XRCC2: variants seen among roughly 807,000 people sequenced by gnomAD.
The protein encoded by XRCC2 is X-ray repair cross complementing 2, also known as DNA repair protein XRCC2.
A neutral mutation model predicts 27.3 loss-of-function variants in XRCC2; 24 were observed. The ratio of observed to expected loss-of-function variants is 0.88; its 90% CI spans 0.64 to 1.24. The LOEUF is 1.24. XRCC2 is among the 50% of genes most tolerant of loss of function. XRCC2 has a pLI of 0.00. For synonymous variants in XRCC2, 106 were observed against 115.4 expected, an observed-to-expected ratio of 0.92 and a Z score of 0.52; for missense variants, 321 against 325.8, an observed-to-expected ratio of 0.99 and a Z score of 0.11.
chr7:152,660,326 C>T (rs888617261), intron 2 of XRCC2, among the ~76,000 whole-genome samples: 1 of 152,162 alleles, frequency 6.6e-6, no homozygotes, highest in Non-Finnish European at 1.5e-5. Flanking sequence ...AACCTAAGCG[C>T]ACGCCCTTAG....
intron 2 of XRCC2, among the ~76,000 whole-genome samples, chr7:152,650,541 T>C (rs1174937683): frequency 1.3e-5 from 2 of 152,164 alleles, no homozygotes; most frequent in Non-Finnish European, 2.9e-5. Context: ...AACTACCTGA[T>C]TGGAAACACT....
intron 2 of XRCC2, among the ~76,000 whole-genome samples, chr7:152,658,356 C>T (rs567577467): frequency 9.9e-5 from 15 of 152,028 alleles, no homozygotes; most frequent in Middle Eastern, 3.4e-3. Flanking sequence ...TTCACCATGT[C>T]GGCCAGGCTG....
intron 1 of XRCC2, among the ~76,000 whole-genome samples, chr7:152,661,279 T>A (rs1200510122): frequency 2.0e-5 from 3 of 152,248 alleles, no homozygotes; most frequent in African/African-American, 7.2e-5. Context: ...AAAATGAGTC[T>A]GTACCCTCAA....
intron 2 of XRCC2, among the ~76,000 whole-genome samples, chr7:152,658,913 A>G (rs1168737579): frequency 1.3e-5 from 2 of 152,238 alleles, no homozygotes; most frequent in Non-Finnish European, 2.9e-5. Flanking sequence ...GCTATTGTGA[A>G]TAGTGCTGCT....
chr7:152,648,503 T>C lies in XRCC2; in HGVS notation c.*139A>G. 1 of 927,916 alleles carries C rather than the reference T, an allele frequency of 1.1e-6. No homozygotes were observed. The highest frequency in any genetic ancestry group is 1.6e-6 in the Non-Finnish European group (1 of 641,974). 57.5% of individuals were successfully genotyped at this position (927,916 alleles called of 1,614,324 possible). On this transcript the variant is annotated 3_prime_UTR_variant, in exon 3 of 3. Coordinates refer to ENST00000359321, the MANE Select transcript of XRCC2 (RefSeq NM_005431.2). ...TAGGAGGCACACATAGGAGGATCCC[T>C]TGAGGCCAGGAGTTCAAGGCTGCAG... is the stretch of plus-strand genomic sequence containing the variant.
intron 2 of XRCC2, among the ~76,000 whole-genome samples, chr7:152,656,574 A>G (rs1195184884): frequency 6.7e-6 from 1 of 150,350 alleles, no homozygotes; most frequent in Non-Finnish European, 1.5e-5. Context: ...TTTTACAGCT[A>G]TAGGATCTTC....
chr7:152,653,244 C>T (rs186189199), intron 2 of XRCC2, among the ~76,000 whole-genome samples: 36 of 152,182 alleles, frequency 2.4e-4, no homozygotes, highest in Middle Eastern at 3.4e-3. Context: ...TAGGATGGGA[C>T]TTGTTCCTCC....
intron 2 of XRCC2, among the ~76,000 whole-genome samples, chr7:152,657,956 C>CTTTGTTTTTT (rs59029443): frequency 0.84 from 114,588 of 136,376 alleles, 46,770 homozygotes; most frequent in Non-Finnish European, 0.91. Context: ...AACTTTTTGT[C>CTTTGTTTTTT]TTTGTTTTTT....
chr7:152,649,235 C>T lies in XRCC2; in HGVS notation c.250G>A (p.Asp84Asn), dbSNP rs1590129717. The T allele has an allele frequency of 6.2e-7, 1 of 1,613,892 alleles. No individual in the cohort carries two copies. The highest frequency in any genetic ancestry group is 2.2e-5 in the East Asian group (1 of 44,886). ...AGCCGGAGCATATCAAAGTGGTAAT[C>T]TGTATCAATAAATAAGACTTCTACT... Reference protein sequence around the residue: ...LEVEVLFIDTDYHFDMLRLVT... With the variant: ...LEVEVLFIDTNYHFDMLRLVT... Residue 84 changes from aspartate to asparagine, a missense_variant, in exon 3 of 3, where the codon GAT (aspartate) becomes AAT (asparagine). Coordinates refer to ENST00000359321, the MANE Select transcript of XRCC2 (RefSeq NM_005431.2).
intron 1 of XRCC2, among the ~76,000 whole-genome samples, chr7:152,663,531 T>C (rs573067562): frequency 4.6e-5 from 7 of 152,220 alleles, no homozygotes; most frequent in South Asian, 2.1e-4. Context: ...ACCCTTGGAA[T>C]GTCTTGCCTG....
intron 1 of XRCC2, among the ~76,000 whole-genome samples, chr7:152,670,727 G>A (rs2098037844): frequency 6.6e-6 from 1 of 152,030 alleles, no homozygotes; most frequent in African/African-American, 2.4e-5. Flanking sequence ...AGCCTCCTGA[G>A]TTGCTGGGAT....
chr7:152,657,880 TA>T (rs2098031356), intron 2 of XRCC2, among the ~76,000 whole-genome samples: 1 of 150,612 alleles, frequency 6.6e-6, no homozygotes, highest in African/African-American at 2.4e-5. Context: ...AAGAAAACAG[TA>T]AAGGAGAAAG....
chr7:152,672,958 C>T (rs1228975512), intron 1 of XRCC2, among the ~76,000 whole-genome samples: 1 of 152,124 alleles, frequency 6.6e-6, no homozygotes, highest in Non-Finnish European at 1.5e-5. Flanking sequence ...CAAATGAAGC[C>T]ATTTGGTGGA....
chr7:152,659,412 C>A (rs2098032107), intron 2 of XRCC2, among the ~76,000 whole-genome samples: 2 of 152,200 alleles, frequency 1.3e-5, no homozygotes, highest in Non-Finnish European at 2.9e-5. Context: ...ACCTCGTGAT[C>A]TGCCTGCCTA....
Position 152,647,283 on chromosome 7 carries a change from A to G in XRCC2, c.*1359T>C, listed in dbSNP as rs1178588910. On this transcript the variant is annotated 3_prime_UTR_variant, in exon 3 of 3. Coordinates refer to ENST00000359321, the MANE Select transcript of XRCC2 (RefSeq NM_005431.2). ...TCTTCTAAATTTGTTTAAATTACGT[A>G]TAGATGCTGGATTTCAGACCTTTCT... The G allele has an allele frequency of 2.0e-5, 3 of 152,128 alleles. No individual in the cohort carries two copies. The highest frequency in any genetic ancestry group is 6.6e-5 in the Admixed American group (1 of 15,262). The allele number at this position is 152,128 out of a possible 1,614,324, so 9.4% of individuals were successfully genotyped here. A position where few individuals can be genotyped will look rare whatever the true frequency, so the allele number is the denominator to read the frequency against.
chr7:152,674,739 A>AAATATATTTTTAAATATATATTATATAT (rs2098039960), intron 1 of XRCC2, among the ~76,000 whole-genome samples: 1 of 3,546 alleles, frequency 2.8e-4, no homozygotes, highest in African/African-American at 7.9e-4. Flanking sequence ...TATTATATAT[A>AAATATATTTTTAAATATATATTATATAT]AATATATTTT....
At chr7:152,672,705 G>T (rs1174136323) in intron 1 of XRCC2, among the ~76,000 whole-genome samples, 1 of 152,180 alleles carries the variant, frequency 6.6e-6, no homozygotes, top group African/African-American at 2.4e-5. Context: ...ATGATAATGG[G>T]AGTGGAGACA....
chr7:152,664,206 T>C (rs2098034620), intron 1 of XRCC2, among the ~76,000 whole-genome samples: 1 of 152,198 alleles, frequency 6.6e-6, no homozygotes, highest in African/African-American at 2.4e-5. Flanking sequence ...TATATCCTTT[T>C]GCTGTTGCAA....
intron 2 of XRCC2, among the ~76,000 whole-genome samples, chr7:152,654,860 C>T (rs1418542872): frequency 6.6e-6 from 1 of 152,344 alleles, no homozygotes; most frequent in South Asian, 2.1e-4. Flanking sequence ...CATGAATTAT[C>T]ATTAAGGTCC....
Sources: gnomAD v4.1 joint callset for allele counts (sites outside exome capture counted in the v4.1 genomes callset) on GRCh38, gnomAD v4.1.1 for gene constraint, MANE v1.5 for transcripts, NCBI Gene and HGNC (gene_info 2026-07-23, HGNC 2026-07-21) for gene names.